Variants in P2RY8 observed in about 807,000 individuals in gnomAD.
The protein encoded by P2RY8 is P2Y receptor family member 8.
Under a neutral mutation model 10.0 loss-of-function variants are expected in P2RY8, and 6 were observed. That is an observed-to-expected ratio of 0.60 (90% CI 0.33 to 1.19). P2RY8 has a LOEUF of 1.19. Ranked by LOEUF, P2RY8 falls within the 50% of genes most tolerant of loss-of-function variation. P2RY8 has a pLI of 0.04. For missense variants in P2RY8, 456 were observed against 542.0 expected (o/e 0.84, Z 1.58); for synonymous variants, 276 against 252.5 (o/e 1.09, Z -0.88).
At chrX:1,487,197 C>T (rs186453291) in intron 1 of P2RY8, among the ~76,000 whole-genome samples, 8 of 152,164 alleles carry the variant, frequency 5.3e-5, no homozygotes, top group Non-Finnish European at 8.8e-5. Flanking sequence ...CAGTGAAAGG[C>T]GTCCAAGTTC....
intron 1 of P2RY8, among the ~76,000 whole-genome samples, chrX:1,495,424 G>A (rs1352080689): frequency 6.6e-6 from 1 of 152,110 alleles, no homozygotes; most frequent in Non-Finnish European, 1.5e-5. Flanking sequence ...CTCATAAGAA[G>A]AGGAGATGAG....
In P2RY8 at chrX:1,522,900, C is replaced by A. The variant is rs765419865; in HGVS notation, c.-25+14021G>T. Among the ~76,000 whole-genome samples the A allele has an allele frequency of 3.8e-4, 58 of 151,804 alleles. 1 individual carries two copies. In the South Asian group the frequency reaches 4.4e-3, roughly 11 times the overall value. On this transcript the variant is annotated intron_variant, in intron 1 of 1. Transcript: ENST00000381297. The stretch of plus-strand genomic sequence containing the variant: ...CCTGTCCAATATGGCGAAACCCCAT[C>A]TCTACTAAAAATACAAACATTAGCT...
intron 1 of P2RY8, among the ~76,000 whole-genome samples, chrX:1,509,236 T>G (rs1479140577): frequency 6.6e-6 from 1 of 150,958 alleles, no homozygotes; most frequent in Non-Finnish European, 1.5e-5. Flanking sequence ...TTTATCTCTC[T>G]ATCATCTATG....
At chrX:1,467,553 T>G (rs2091705250) in intron 1 of P2RY8, among the ~76,000 whole-genome samples, 1 of 152,200 alleles carries the variant, frequency 6.6e-6, no homozygotes. Context: ...GGGGGACGTC[T>G]GGAAGGAGAG....
At position 1,466,088 on chromosome X, in the gene P2RY8, C is replaced by G. The variant is rs777880923; in HGVS notation, c.471G>C (p.Pro157=). The change falls in exon 2 of 2, where the codon CCG becomes CCC. Residue 157 remains proline (P), a synonymous_variant. Coordinates refer to ENST00000381297, the MANE Select transcript of P2RY8 (RefSeq NM_178129.5). ...GGTAGGTGAGATCGGTGCGCGCCAG[C>G]GGGGACAGGGCGGTCAGGAGCAGCA... ...TWLLLLTALS[P]LARTDLTYPV... is the part of the protein sequence containing the mutation. 6.2e-7 allele frequency: 1 copy of G among 1,611,610 alleles called. No homozygotes were observed. Among genetic ancestry groups the G allele is most frequent in the Non-Finnish European group, 8.5e-7 (1 of 1,179,636 alleles).
At chrX:1,471,988 G>T (rs774826030) in intron 1 of P2RY8, among the ~76,000 whole-genome samples, 2 of 152,092 alleles carry the variant, frequency 1.3e-5, no homozygotes, top group African/African-American at 4.8e-5. Flanking sequence ...CACCCAGTTT[G>T]TGGTTCTTTT....
intron 1 of P2RY8, among the ~76,000 whole-genome samples, chrX:1,472,492 ATGGATGGG>A (rs1393179457): frequency 1.0e-4 from 2 of 19,852 alleles, no homozygotes; most frequent in Non-Finnish European, 9.2e-5. Flanking sequence ...GGGTGGGTGG[ATGGATGGG>A]TGGATGGGTG....
In P2RY8 at chrX:1,465,011, A is replaced by C; in HGVS notation, c.*468T>G. 8.0e-6 allele frequency: 2 copies of C among 250,084 alleles called. No homozygotes were observed. The highest frequency in any genetic ancestry group is 5.9e-5 in the East Asian group (1 of 16,996). 15.5% of individuals were successfully genotyped at this position (250,084 alleles called of 1,614,324 possible). On this transcript the variant is annotated 3_prime_UTR_variant, in exon 2 of 2. Transcript: ENST00000381297. ...ATGTCAGCAGGGAGAAGAGCTGGGA[A>C]TGGGGCTCGCAGTTCGCCCACGGAG... is the stretch of plus-strand genomic sequence containing the variant.
In P2RY8 at chrX:1,507,087, A is replaced by G. The variant is rs141641180; in HGVS notation, c.-25+29834T>C. Among the ~76,000 whole-genome samples, 884 of 64,882 alleles carry G rather than the reference A, an allele frequency of 0.014. 20 individuals carry two copies. The East Asian group carries it at 0.21, about 15-fold the overall frequency. The allele number at this position is 64,882 out of a possible 152,430, so 42.6% of individuals were successfully genotyped here. ...ATAACTCAGACCTGGTCAAGTCTCA[A>G]GGTATCAGGTCCCTGTTTGTTCAAA... On this transcript the variant is annotated intron_variant, in intron 1 of 1. Coordinates refer to ENST00000381297, the MANE Select transcript of P2RY8 (RefSeq NM_178129.5).
intron 1 of P2RY8, among the ~76,000 whole-genome samples, chrX:1,530,602 A>C (rs1452593451): frequency 6.6e-6 from 1 of 150,714 alleles, no homozygotes. Context: ...ACCATTATCT[A>C]TCTATATGTA....
In P2RY8 at chrX:1,463,379, A is replaced by G. The variant is rs193212154; in HGVS notation, c.*2100T>C. 476 of 230,252 alleles carry G rather than the reference A, an allele frequency of 2.1e-3. 9 individuals carry two copies. In the East Asian group the frequency reaches 0.027, roughly 13 times the overall value. 14.3% of individuals were successfully genotyped at this position (230,252 alleles called of 1,614,324 possible). On this transcript the variant is annotated 3_prime_UTR_variant, in exon 2 of 2. Coordinates refer to ENST00000381297, the MANE Select transcript of P2RY8 (RefSeq NM_178129.5). Reference sequence around the variant, plus strand: ...TTCCCCCTGGAGGCTCTAGGGGAGGATCCTTCCTGCCTCTCCCAGCTCCTG... The same window carrying G: ...TTCCCCCTGGAGGCTCTAGGGGAGGGTCCTTCCTGCCTCTCCCAGCTCCTG...
At chrX:1,509,795 TC>T (rs1268179663) in intron 1 of P2RY8, among the ~76,000 whole-genome samples, 9,888 of 66,962 alleles carry the variant, frequency 0.15, 1,078 homozygotes, top group Non-Finnish European at 0.2. Flanking sequence ...TATGTATCCA[TC>T]CTATCTATCT....
At chrX:1,530,797 A>G (rs1412411068) in intron 1 of P2RY8, among the ~76,000 whole-genome samples, 2 of 149,568 alleles carry the variant, frequency 1.3e-5, no homozygotes, top group Non-Finnish European at 3.0e-5. Context: ...TTTTCTATCT[A>G]TCTCTATTAT....
chrX:1,475,056 C>A (rs1220580237), intron 1 of P2RY8, among the ~76,000 whole-genome samples: 1 of 113,994 alleles, frequency 8.8e-6, no homozygotes, highest in Non-Finnish European at 1.7e-5. Flanking sequence ...GATGGATAGA[C>A]GGGTGGATGG....
At position 1,509,083 on chromosome X, in the gene P2RY8, C is replaced by CTATCTATG. The variant is rs749285629; in HGVS notation, c.-25+27830_-25+27837dup. Reference sequence around the variant, plus strand: ...TCTATCTATGTATCTATCTATGTATCTATCTATGTATCTATGTATCTATCT... The same window carrying CTATCTATG: ...TCTATCTATGTATCTATCTATGTATCTATCTATGTATCTATGTATCTATGTATCTATCT... On this transcript the variant is annotated intron_variant, in intron 1 of 1. Coordinates refer to ENST00000381297, the MANE Select transcript of P2RY8 (RefSeq NM_178129.5). Among the ~76,000 whole-genome samples the CTATCTATG allele has an allele frequency of 5.3e-4, 71 of 132,848 alleles. 1 individual carries two copies. The South Asian group carries it at 0.012, about 23-fold the overall frequency. 87.2% of individuals were successfully genotyped at this position (132,848 alleles called of 152,430 possible).
intron 1 of P2RY8, among the ~76,000 whole-genome samples, chrX:1,504,052 T>G (rs1462250521): frequency 6.6e-6 from 1 of 151,974 alleles, no homozygotes; most frequent in East Asian, 1.9e-4. Flanking sequence ...ACGTGGTGGC[T>G]CACGCCTGTA....
chrX:1,498,904 G>T (rs1410890104), intron 1 of P2RY8, among the ~76,000 whole-genome samples: 1 of 150,904 alleles, frequency 6.6e-6, no homozygotes, highest in East Asian at 1.9e-4. Flanking sequence ...GCACGATCTT[G>T]GCTCACTGCA....
At chrX:1,524,423 A>ATCCG (rs2092416309) in intron 1 of P2RY8, among the ~76,000 whole-genome samples, 2 of 135,896 alleles carry the variant, frequency 1.5e-5, no homozygotes, top group South Asian at 4.7e-4. Flanking sequence ...CCATCCATCC[A>ATCCG]TCCATCCATC....
intron 1 of P2RY8, among the ~76,000 whole-genome samples, chrX:1,480,903 T>A (rs2091927168): frequency 6.8e-6 from 1 of 147,892 alleles, no homozygotes; most frequent in African/African-American, 2.6e-5. Context: ...ATTCAACCAC[T>A]GGAAAAAAAA....
Sources: allele counts gnomAD v4.1 joint callset (sites outside exome capture counted in the v4.1 genomes callset), GRCh38; gene constraint gnomAD v4.1.1; transcripts MANE v1.5; gene names NCBI Gene and HGNC (gene_info 2026-07-23, HGNC 2026-07-21).